AP5B1: variants seen among roughly 807,000 people sequenced by gnomAD.
AP5B1 encodes the protein AP-5 complex subunit beta-1.
Under a neutral mutation model 5.7 loss-of-function variants are expected in AP5B1, and 3 were observed. The ratio of observed to expected loss-of-function variants is 0.53; its 90% confidence interval spans 0.24 to 1.36. The LOEUF (loss-of-function observed/expected upper bound fraction) is 1.36, where lower values mean the gene tolerates loss of function less well. AP5B1 is among the 40% of genes most tolerant of loss of function. AP5B1 has a pLI of 0.17. For missense variants in AP5B1, 1,310 were observed against 1,143.2 expected, an observed-to-expected ratio of 1.15 and a Z score of -2.10; for synonymous variants, 696 against 555.5, an observed-to-expected ratio of 1.25 and a Z score of -3.56.
Position 65,779,758 on chromosome 11 carries a change from A to G in AP5B1, c.735T>C (p.Ala245=). ...GGCTACGCTCCCCCTCTCCCTCCTC[A>G]GCTGCCGGCCAGCTGGGTGCCTGGG... ...LQPQAPSWPA[A]EEGEGERSLT... Residue 245 remains alanine, a synonymous_variant, in exon 2 of 2, where the codon GCT becomes GCC. Transcript: ENST00000532090. The G allele has an allele frequency of 6.3e-7, 1 of 1,589,792 alleles. No individual in the cohort carries two copies.
chr11:65,779,703 C>T lies in AP5B1; in HGVS notation c.790G>A (p.Ala264Thr). 6.2e-7 allele frequency: 1 copy of T among 1,612,054 alleles called. No individual in the cohort carries two copies. The highest frequency in any genetic ancestry group is 2.2e-5 in the East Asian group (1 of 44,874). The change falls in exon 2 of 2, where the codon GCG becomes ACG. Residue 264 changes from alanine to threonine, a missense_variant. By Grantham distance (58) the Ala-to-Thr change is moderately conservative. Transcript: ENST00000532090. ...ATCACCGCAGCCCGCAGCTCCCGCGCCTCCTCAGGGCTGTGCTCTCGTGCT... is the reference window on the plus strand; with the variant it reads ...ATCACCGCAGCCCGCAGCTCCCGCGTCTCCTCAGGGCTGTGCTCTCGTGCT... ...LTAREHSPEE[A>T]RELRAAVIQL...
In AP5B1 at chr11:65,780,717, G is replaced by A; in HGVS notation, c.-126C>T. On this transcript the variant is annotated 5_prime_UTR_variant, in exon 1 of 2. Transcript: ENST00000532090. ...CCAGACGCCGCGCAGATGCCGGCGGGACCCGCGCCCGGCTCCCACGGTGAG... is the reference window on the plus strand; with the variant it reads ...CCAGACGCCGCGCAGATGCCGGCGGAACCCGCGCCCGGCTCCCACGGTGAG... The A allele has an allele frequency of 9.5e-7, 1 of 1,054,850 alleles. No homozygotes were observed. The highest frequency in any genetic ancestry group is 1.2e-6 in the Non-Finnish European group (1 of 821,652). 65.3% of individuals were successfully genotyped at this position (1,054,850 alleles called of 1,614,324 possible).
In AP5B1 at chr11:65,777,588, C is replaced by T. The variant is rs1463294736; in HGVS notation, c.*268G>A. 2.2e-5 allele frequency: 10 copies of T among 463,034 alleles called. No homozygotes were observed. In the South Asian group the frequency reaches 2.4e-4, roughly 11 times the overall value. The allele number at this position is 463,034 out of a possible 1,614,324, so 28.7% of individuals were successfully genotyped here. ...AGAAGGGTCCTCACTGGGCTCTGGG[C>T]CCTCCACTATGGACTTCCCAGCCTC... On this transcript the variant is annotated 3_prime_UTR_variant, in exon 2 of 2. Coordinates refer to ENST00000532090, the MANE Select transcript of AP5B1 (RefSeq NM_138368.5).
Position 65,777,953 on chromosome 11 carries a change from G to A in AP5B1, c.2540C>T (p.Ala847Val). 2 of 1,583,384 alleles carry A rather than the reference G, an allele frequency of 1.3e-6. No homozygotes were observed. Among genetic ancestry groups the A allele is most frequent in the Non-Finnish European group, 1.7e-6 (2 of 1,165,994 alleles). Residue 847 changes from alanine to valine, a missense_variant, in exon 2 of 2, where the codon GCC (alanine) becomes GTC (valine). Physicochemically the swap from Ala to Val is moderately conservative, Grantham distance 64. Transcript: ENST00000532090. ...GGCCACAGGCACTCCATCTGCCAGGGCCGCCTCCAGCCGCAGCAGCAGCTT... is the reference window on the plus strand; with the variant it reads ...GGCCACAGGCACTCCATCTGCCAGGACCGCCTCCAGCCGCAGCAGCAGCTT... ...DSKLLLRLEA[A>V]LADGVPVALR...
rs753349259 is a variant in AP5B1, at chr11:65,778,642, G to A, written c.1851C>T (p.Ile617=). 3.1e-6 allele frequency: 5 copies of A among 1,595,230 alleles called. No homozygotes were observed. The highest frequency in any genetic ancestry group is 3.4e-4 in the Middle Eastern group (2 of 5,940). Residue 617 remains isoleucine (I), a synonymous_variant, in exon 2 of 2, where the codon ATC becomes ATT. Transcript: ENST00000532090. ...DGRDHARLYY[I]LLAHLAAPKL... ...TGGGTGCTGCCAGGTGTGCCAGCAG[G>A]ATGTAGTAGAGGCGGGCGTGGTCAC...
In AP5B1 at chr11:65,779,297, C is replaced by T. The variant is rs1440732896; in HGVS notation, c.1196G>A (p.Arg399His). The change falls in exon 2 of 2, where the codon CGT (arginine) becomes CAT (histidine). Residue 399 changes from arginine (R) to histidine (H), a missense_variant. Coordinates refer to ENST00000532090, the MANE Select transcript of AP5B1 (RefSeq NM_138368.5). ...APLLLGPQLC[R>H]GLLPSLLHDP... ...ATGCAGGAGACTGGGCAGGAGACCA[C>T]GGCATAGCTGGGGCCCTAGCAGCAG... is the stretch of plus-strand genomic sequence containing the variant. The T allele has an allele frequency of 1.3e-6, 2 of 1,598,972 alleles. No homozygotes were observed. The highest frequency in any genetic ancestry group is 1.7e-6 in the Non-Finnish European group (2 of 1,172,262).
At position 65,778,318 on chromosome 11, in the gene AP5B1, G is replaced by A; in HGVS notation, c.2175C>T (p.Leu725=). The change falls in exon 2 of 2, where the codon CTC becomes CTT. Residue 725 remains leucine, a synonymous_variant. Transcript: ENST00000532090. ...LCPGRPARPL[L]LPLQPRCPAP... ...CCGGGCATCGGGGCTGCAGAGGCAG[G>A]AGCAGAGGGCGGGCAGGGCGGCCAG... 2.5e-6 allele frequency: 4 copies of A among 1,612,746 alleles called. No individual in the cohort carries two copies. The highest frequency in any genetic ancestry group is 2.5e-6 in the Non-Finnish European group (3 of 1,179,834).
In AP5B1 at chr11:65,779,215, C is replaced by CTG; in HGVS notation, c.1277_1278insCA (p.Glu426AspfsTer59). The CTG allele has an allele frequency of 6.2e-7, 1 of 1,603,624 alleles. No homozygotes were observed. The highest frequency in any genetic ancestry group is 8.5e-7 in the Non-Finnish European group (1 of 1,174,950). On this transcript the variant is annotated frameshift_variant, in exon 2 of 2. Transcript: ENST00000532090. LOFTEE classifies it low-confidence loss of function (END_TRUNC). ...GAAGCTGGCCTTTCTCCTCTTCTTC[C>CTG]TCCTCGGCACAGAGCAGGCACAGTA...
chr11:65,778,539 C>T lies in AP5B1; in HGVS notation c.1954G>A (p.Val652Met). 6.3e-7 allele frequency: 1 copy of T among 1,579,384 alleles called. No individual in the cohort carries two copies. The highest frequency in any genetic ancestry group is 8.6e-7 in the Non-Finnish European group (1 of 1,165,448). The change falls in exon 2 of 2, where the codon GTG becomes ATG. Residue 652 changes from valine to methionine, a missense_variant. Val to Met is a conservative substitution (Grantham distance 21). Transcript: ENST00000532090. ...GCCTCCTGCACCATCAGTGCTGCCA[C>T]AAAGCCCTGGTTCTCGGCCACCAGT... ...SSLVAENQGF[V>M]AALMVQEAPA...
chr11:65,775,883 AG>A lies in AP5B1; in HGVS notation c.*1972del, dbSNP rs2135685649. 1 of 152,112 alleles carries A rather than the reference AG, an allele frequency of 6.6e-6. No homozygotes were observed. The highest frequency in any genetic ancestry group is 2.1e-4 in the South Asian group (1 of 4,808). 9.4% of individuals were successfully genotyped at this position (152,112 alleles called of 1,614,324 possible). On this transcript the variant is annotated 3_prime_UTR_variant, in exon 2 of 2. Transcript: ENST00000532090. ...CACCTATTAACAGTACCACTGTCCC[AG>A]GCCCTTTCTTTTTTTTCTTTTTTTG...
In AP5B1 at chr11:65,780,788, C is replaced by T. The variant is rs1478763484; in HGVS notation, c.-197G>A. 2.0e-5 allele frequency: 9 copies of T among 448,416 alleles called. No individual in the cohort carries two copies. The highest frequency in any genetic ancestry group is 3.2e-5 in the Non-Finnish European group (9 of 279,386). The allele number at this position is 448,416 out of a possible 1,614,324, so 27.8% of individuals were successfully genotyped here. On this transcript the variant is annotated 5_prime_UTR_variant, in exon 1 of 2. Transcript: ENST00000532090. The stretch of plus-strand genomic sequence containing the variant: ...CGCCAGAGCTGGGCGCCGGGGCCCT[C>T]GCGGGACAGGACAGGAGCAGGGCGG...
At position 65,780,334 on chromosome 11, in the gene AP5B1, C is replaced by A; in HGVS notation, c.159G>T (p.Leu53=). The change falls in exon 2 of 2, where the codon CTG becomes CTT. Residue 53 remains leucine (L), a synonymous_variant. Transcript: ENST00000532090. ...EKLSEQTKVS[L]LALSMEYPAQ... is the part of the protein sequence containing the mutation. ...CAGGGTACTCCATGCTCAGGGCCAG[C>A]AGGGAAACCTGGATGGGGGATTAGG... 1 of 1,470,744 alleles carries A rather than the reference C, an allele frequency of 6.8e-7. No homozygotes were observed. The highest frequency in any genetic ancestry group is 9.0e-7 in the Non-Finnish European group (1 of 1,111,746). The allele number at this position is 1,470,744 out of a possible 1,614,324, so 91.1% of individuals were successfully genotyped here.
chr11:65,775,888 CTTTCTTTTT>C lies in AP5B1; in HGVS notation c.*1959_*1967del. 1 of 152,216 alleles carries C rather than the reference CTTTCTTTTT, an allele frequency of 6.6e-6. No individual in the cohort carries two copies. The highest frequency in any genetic ancestry group is 2.1e-4 in the South Asian group (1 of 4,824). The allele number at this position is 152,216 out of a possible 1,614,324, so 9.4% of individuals were successfully genotyped here. ...ATTAACAGTACCACTGTCCCAGGCC[CTTTCTTTTT>C]TTTCTTTTTTTGAGACAGAGCCTTG... On this transcript the variant is annotated 3_prime_UTR_variant, in exon 2 of 2. Coordinates refer to ENST00000532090, the MANE Select transcript of AP5B1 (RefSeq NM_138368.5).
At position 65,777,608 on chromosome 11, in the gene AP5B1, A is replaced by C; in HGVS notation, c.*248T>G. 2 of 502,308 alleles carry C rather than the reference A, an allele frequency of 4.0e-6. No homozygotes were observed. Among genetic ancestry groups the C allele is most frequent in the Non-Finnish European group, 6.9e-6 (2 of 287,926 alleles). The allele number at this position is 502,308 out of a possible 1,614,324, so 31.1% of individuals were successfully genotyped here. Reference sequence around the variant, plus strand: ...CTGGGCCCTCCACTATGGACTTCCCAGCCTCCAGAGCTCTGAGCCAATACA... The same window carrying C: ...CTGGGCCCTCCACTATGGACTTCCCCGCCTCCAGAGCTCTGAGCCAATACA... On this transcript the variant is annotated 3_prime_UTR_variant, in exon 2 of 2. Transcript: ENST00000532090.
chr11:65,778,598 C>T lies in AP5B1; in HGVS notation c.1895G>A (p.Gly632Asp). ...LAAPKLGVAL[G>D]PSLAAPALAS... ...CAGTGCAGGTGCGGCAAGCGAGGGG[C>T]CCAGGGCCACCCCCAACTTGGGTGC... The change falls in exon 2 of 2, where the codon GGC becomes GAC. Residue 632 changes from glycine to aspartate, a missense_variant. Physicochemically the swap from Gly to Asp is moderately conservative, Grantham distance 94 (BLOSUM62 -1). Transcript: ENST00000532090. The T allele has an allele frequency of 1.3e-6, 2 of 1,593,362 alleles. No individual in the cohort carries two copies. Among genetic ancestry groups the T allele is most frequent in the South Asian group, 2.3e-5 (2 of 88,090 alleles).
chr11:65,779,138 G>A lies in AP5B1; in HGVS notation c.1355C>T (p.Ala452Val), dbSNP rs756771368. ...EELLAGLRQR[A>V]ALDGGPRALA... ...GGCCCGGGGGCCCCCATCCAGGGCT[G>A]CCCGCTGCCGCAAGCCAGCCAGCAG... The change falls in exon 2 of 2, where the codon GCA (alanine) becomes GTA (valine). Residue 452 changes from alanine (A) to valine (V), a missense_variant. Transcript: ENST00000532090. 1.1e-5 allele frequency: 17 copies of A among 1,608,950 alleles called. No homozygotes were observed. In the African/African-American group the frequency reaches 2.0e-4, roughly 19 times the overall value.
chr11:65,780,162 C>A lies in AP5B1; in HGVS notation c.331G>T (p.Gly111Cys). 2 of 1,477,818 alleles carry A rather than the reference C, an allele frequency of 1.4e-6. No homozygotes were observed. Among genetic ancestry groups the A allele is most frequent in the Non-Finnish European group, 1.8e-6 (2 of 1,119,082 alleles). 91.5% of individuals were successfully genotyped at this position (1,477,818 alleles called of 1,614,324 possible). Reference sequence around the variant, plus strand: ...CGGCAGGAGGCGCCCGAGGTGGGGCCCAGCGCGCCGCCCGCCGCCAGGGCA... The same window carrying A: ...CGGCAGGAGGCGCCCGAGGTGGGGCACAGCGCGCCGCCCGCCGCCAGGGCA... ...TTALAAGGALGPTSGASCRLL... is the reference protein window; with the variant it reads ...TTALAAGGALCPTSGASCRLL... The change falls in exon 2 of 2, where the codon GGC becomes TGC. Residue 111 changes from glycine (G) to cysteine (C), a missense_variant. Transcript: ENST00000532090.
rs77627301 is a variant in AP5B1, at chr11:65,777,327, G to A, written c.*529C>T. 2,102 of 154,018 alleles carry A rather than the reference G, an allele frequency of 0.014. 39 individuals are homozygous for A. The highest frequency in any genetic ancestry group is 0.048 in the African/African-American group (2,000 of 41,530). The allele number at this position is 154,018 out of a possible 1,614,324, so 9.5% of individuals were successfully genotyped here. ...AGGAACTCTGTAGCTCTACAGTGCC[G>A]GGTTCTGTCTGGAAGCCTTCTTGGG... On this transcript the variant is annotated 3_prime_UTR_variant, in exon 2 of 2. Transcript: ENST00000532090.
At position 65,778,852 on chromosome 11, in the gene AP5B1, CACCTTTGCCA is replaced by C; in HGVS notation, c.1631_1640del (p.Leu544ArgfsTer42). The C allele has an allele frequency of 6.2e-6, 10 of 1,609,076 alleles. No homozygotes were observed. The highest frequency in any genetic ancestry group is 8.5e-6 in the Non-Finnish European group (10 of 1,177,688). On this transcript the variant is annotated frameshift_variant, in exon 2 of 2. Coordinates refer to ENST00000532090, the MANE Select transcript of AP5B1 (RefSeq NM_138368.5). LOFTEE classifies it low-confidence loss of function (END_TRUNC). Reference sequence around the variant, plus strand: ...TAGCACTCTGGGCATCTCCATCTGCCACCTTTGCCAGCATTTGCAGGTGCCAGCAAAGAGC... The same window carrying C: ...TAGCACTCTGGGCATCTCCATCTGCCGCATTTGCAGGTGCCAGCAAAGAGC...
Sources: allele counts gnomAD v4.1 joint callset, GRCh38; gene constraint gnomAD v4.1.1; transcripts MANE v1.5; gene names NCBI Gene and HGNC (gene_info 2026-07-23, HGNC 2026-07-21).